Variants in IGFBP7 observed in about 807,000 individuals in gnomAD.
The protein encoded by IGFBP7 is insulin like growth factor binding protein 7, also known as insulin-like growth factor-binding protein 7.
In IGFBP7, 31 loss-of-function variants were observed where a neutral mutation model predicts 29.4. That is an observed-to-expected ratio of 1.05 (90% CI 0.79 to 1.42). The LOEUF (loss-of-function observed/expected upper bound fraction) is 1.42. Ranked by LOEUF, IGFBP7 falls within the 40% of genes most tolerant of loss-of-function variation. IGFBP7 has a pLI of 0.00. For missense variants in IGFBP7, 393 were observed against 395.5 expected, an observed-to-expected ratio of 0.99 and a Z score of 0.05; for synonymous variants, 172 against 174.9, an observed-to-expected ratio of 0.98 and a Z score of 0.13.
intron 2 of IGFBP7, among the ~76,000 whole-genome samples, chr4:57,038,935 G>A (rs1489949012): frequency 1.3e-5 from 2 of 151,846 alleles, no homozygotes; most frequent in Non-Finnish European, 2.9e-5. Flanking sequence ...GCGTGGTGGC[G>A]GGTGCCTGTA....
chr4:57,054,377 G>A (rs530257866), intron 1 of IGFBP7, among the ~76,000 whole-genome samples: 4 of 152,232 alleles, frequency 2.6e-5, no homozygotes, highest in Admixed American at 6.5e-5. Flanking sequence ...GCTCATGCCC[G>A]TAATCCCAGC....
chr4:57,040,752 G>A lies in IGFBP7; in HGVS notation c.585+72C>T, dbSNP rs3755904. 9.0e-3 allele frequency: 9,977 copies of A among 1,111,332 alleles called. 290 individuals are homozygous for A. Among genetic ancestry groups the A allele is most frequent in the African/African-American group, 0.077 (5,061 of 65,408 alleles). The allele number at this position is 1,111,332 out of a possible 1,614,324, so 68.8% of individuals were successfully genotyped here. ...CAACAAAGCAGGCTGAGGATTTAAC[G>A]TTTTACCATCCTTGTGCAGTGCAAG... On this transcript the variant is annotated intron_variant, in intron 2 of 4. Coordinates refer to ENST00000295666, the MANE Select transcript of IGFBP7 (RefSeq NM_001553.3).
chr4:57,055,413 A>G (rs1304246942), intron 1 of IGFBP7, among the ~76,000 whole-genome samples: 1 of 152,200 alleles, frequency 6.6e-6, no homozygotes, highest in East Asian at 1.9e-4. Context: ...TACTCAGATG[A>G]TTAGGAAGAC....
At chr4:57,064,450 T>TAAGC (rs1335175775) in intron 1 of IGFBP7, among the ~76,000 whole-genome samples, 6 of 152,358 alleles carry the variant, frequency 3.9e-5, no homozygotes, top group African/African-American at 1.4e-4. Flanking sequence ...CAGCAAAGCA[T>TAAGC]AAGCCTCAGT....
chr4:57,071,495 AC>A (rs1223284493), intron 1 of IGFBP7, among the ~76,000 whole-genome samples: 4 of 152,204 alleles, frequency 2.6e-5, no homozygotes, highest in African/African-American at 7.2e-5. Flanking sequence ...AGATTAAGCA[AC>A]CCTGGATCTC....
chr4:57,105,026 C>A (rs900361285), intron 1 of IGFBP7, among the ~76,000 whole-genome samples: 1 of 152,176 alleles, frequency 6.6e-6, no homozygotes, highest in Non-Finnish European at 1.5e-5. Flanking sequence ...AAGATGAAAT[C>A]CCTCTTTTAA....
chr4:57,052,912 T>C (rs753621806), intron 1 of IGFBP7, among the ~76,000 whole-genome samples: 36 of 152,236 alleles, frequency 2.4e-4, no homozygotes, highest in Non-Finnish European at 4.4e-4. Context: ...CTCACAATTA[T>C]CACTGTAATT....
At position 57,110,184 on chromosome 4, in the gene IGFBP7, C is replaced by G; in HGVS notation, c.168G>C (p.Ala56=). The G allele has an allele frequency of 7.2e-7, 1 of 1,396,406 alleles. No homozygotes were observed. Among genetic ancestry groups the G allele is most frequent in the Non-Finnish European group, 9.2e-7 (1 of 1,084,836 alleles). 86.5% of individuals were successfully genotyped at this position (1,396,406 alleles called of 1,614,324 possible). A position where few individuals can be genotyped will look rare whatever the true frequency, so the allele number is the denominator to read the frequency against. ...GGGCGCACATAGGGCAGCAGCCGCA[C>G]GCGTCGCGGGTCTCGCCCAGCAGGC... The part of the protein sequence containing the change: ...LGCLLGETRD[A]CGCCPMCARG... Residue 56 remains alanine, a synonymous_variant, in exon 1 of 5, where the codon GCG becomes GCC. Transcript: ENST00000295666.
intron 1 of IGFBP7, among the ~76,000 whole-genome samples, chr4:57,042,865 C>G (rs1724264593): frequency 6.6e-6 from 1 of 152,214 alleles, no homozygotes; most frequent in Non-Finnish European, 1.5e-5. Context: ...GATTCCTGCT[C>G]TAATCAACTG....
chr4:57,031,679 A>T (rs11573129), intron 4 of IGFBP7, among the ~76,000 whole-genome samples: 204 of 152,362 alleles, frequency 1.3e-3, no homozygotes, highest in Admixed American at 2.5e-3. Flanking sequence ...AATAATTAGT[A>T]GCAGAGCTGA....
At chr4:57,038,191 G>A (rs1249465683) in intron 2 of IGFBP7, among the ~76,000 whole-genome samples, 1 of 152,252 alleles carries the variant, frequency 6.6e-6, no homozygotes, top group Non-Finnish European at 1.5e-5. Context: ...GCATGGGGGA[G>A]CCAGAGCTTA....
chr4:57,071,541 T>C (rs1013059773), intron 1 of IGFBP7, among the ~76,000 whole-genome samples: 5 of 152,176 alleles, frequency 3.3e-5, no homozygotes, highest in South Asian at 2.1e-4. Context: ...CACAAGGAAA[T>C]TGGGTCTCTC....
At chr4:57,036,767 T>C (rs1724092550) in intron 2 of IGFBP7, among the ~76,000 whole-genome samples, 1 of 152,232 alleles carries the variant, frequency 6.6e-6, no homozygotes, top group African/African-American at 2.4e-5. Context: ...TTAATTCTGC[T>C]GTTGCTAAGA....
chr4:57,067,336 T>C (rs1724943317), intron 1 of IGFBP7, among the ~76,000 whole-genome samples: 1 of 152,252 alleles, frequency 6.6e-6, no homozygotes, highest in Non-Finnish European at 1.5e-5. Context: ...GGATTTTTTT[T>C]TGTTAGTCTT....
chr4:57,082,085 G>A (rs981816877), intron 1 of IGFBP7, among the ~76,000 whole-genome samples: 3 of 152,090 alleles, frequency 2.0e-5, no homozygotes, highest in Non-Finnish European at 2.9e-5. Flanking sequence ...AGGGGAAGTG[G>A]GTTTTGGTAC....
Position 57,046,904 on chromosome 4 carries a change from A to G in IGFBP7, c.476-5971T>C, listed in dbSNP as rs1279216696. ...CACTTTCCTTTTACCTTACACACTCAATTAATTCTCATTCAATCTCTTTAG... is the reference window on the plus strand; with the variant it reads ...CACTTTCCTTTTACCTTACACACTCGATTAATTCTCATTCAATCTCTTTAG... On this transcript the variant is annotated intron_variant, in intron 1 of 4. Transcript: ENST00000295666. Among the ~76,000 whole-genome samples the G allele has an allele frequency of 2.0e-5, 3 of 152,132 alleles. No individual in the cohort carries two copies. The East Asian group carries it at 5.8e-4, about 29-fold the overall frequency.
At chr4:57,083,014 C>T (rs889030477) in intron 1 of IGFBP7, among the ~76,000 whole-genome samples, 1 of 152,018 alleles carries the variant, frequency 6.6e-6, no homozygotes, top group African/African-American at 2.4e-5. Context: ...TCATTCTTTC[C>T]AATAGCTGCA....
chr4:57,037,543 A>T (rs957766427), intron 2 of IGFBP7, among the ~76,000 whole-genome samples: 10 of 151,826 alleles, frequency 6.6e-5, no homozygotes. Flanking sequence ...CACCAGCCTC[A>T]ACTGCCTTGG....
chr4:57,064,845 T>G (rs1258155828), intron 1 of IGFBP7, among the ~76,000 whole-genome samples: 2 of 152,226 alleles, frequency 1.3e-5, no homozygotes, highest in Non-Finnish European at 2.9e-5. Context: ...TGCACTTTAT[T>G]AATAACATAG....
Sources: gnomAD v4.1 joint callset for allele counts (sites outside exome capture counted in the v4.1 genomes callset) on GRCh38, gnomAD v4.1.1 for gene constraint, MANE v1.5 for transcripts, NCBI Gene and HGNC (gene_info 2026-07-23, HGNC 2026-07-21) for gene names.